ECM2: variants seen among roughly 807,000 people sequenced by gnomAD.
ECM2 encodes the protein extracellular matrix protein 2.
Under a neutral mutation model 67.5 loss-of-function variants are expected in ECM2, and 57 were observed. That is an observed-to-expected ratio of 0.84 (90% CI 0.68 to 1.05). The LOEUF is 1.05. Among genes scored for constraint, ECM2 ranks in the 50% least tolerant of loss-of-function variants. The probability of loss-of-function intolerance (pLI) is 0.00; values close to 1 mark genes in which losing one functional copy is unlikely to be tolerated. For synonymous variants in ECM2, 258 were observed against 294.5 expected (o/e 0.88, Z 1.27); for missense variants, 741 against 822.8 (o/e 0.90, Z 1.22).
At chr9:92,509,781 A>T in intron 6 of ECM2, 118 bp downstream of exon 6, 1 of 1,117,128 alleles carries the variant, frequency 9.0e-7, no homozygotes, top group Non-Finnish European at 1.2e-6. Flanking sequence ...TCAAATGGTT[A>T]AGTGACCTAA....
upstream of ECM2, among the ~76,000 whole-genome samples, chr9:92,541,152 G>A (rs972483253): frequency 7.9e-5 from 12 of 152,080 alleles, no homozygotes; most frequent in Non-Finnish European, 1.3e-4. Flanking sequence ...CCAGCTACTC[G>A]GAAGGCTGAG....
chr9:92,555,808 C>A, the ECM2 span, among the ~76,000 whole-genome samples: 1 of 152,118 alleles, frequency 6.6e-6, no homozygotes, highest in African/African-American at 2.4e-5. Context: ...TGCTAATGGT[C>A]TATCAATTTT....
At chr9:92,513,553 G>A (rs1042983227) in intron 4 of ECM2, among the ~76,000 whole-genome samples, 2 of 152,178 alleles carry the variant, frequency 1.3e-5, no homozygotes, top group Non-Finnish European at 2.9e-5. Flanking sequence ...CTCAGATGAC[G>A]TTTAACTGAT....
the ECM2 span, among the ~76,000 whole-genome samples, chr9:92,555,269 C>CCAAG: frequency 2.7e-5 from 3 of 109,098 alleles, 1 homozygote; most frequent in South Asian, 9.6e-4. Flanking sequence ...CTCTTGTTGT[C>CCAAG]CAAGCTGGAG....
chr9:92,551,478 C>T, the ECM2 span, among the ~76,000 whole-genome samples: 4 of 152,194 alleles, frequency 2.6e-5, no homozygotes, highest in African/African-American at 4.8e-5. Flanking sequence ...TCTGGGACTA[C>T]GGGCACATAC....
At chr9:92,534,426 G>A (rs371968827) in intron 1 of ECM2, among the ~76,000 whole-genome samples, 5 of 152,178 alleles carry the variant, frequency 3.3e-5, no homozygotes, top group Middle Eastern at 6.8e-3. Context: ...TTCAACAAAC[G>A]GCAGTCTCTA....
rs1461645858 is a variant in ECM2 at position 92,496,245 on chromosome 9, T to C, written c.*70A>G. 5 of 1,506,734 alleles carry C rather than the reference T, an allele frequency of 3.3e-6. No homozygotes were observed. Among genetic ancestry groups the C allele is most frequent in the Non-Finnish European group, 4.4e-6 (5 of 1,138,622 alleles). The allele number at this position is 1,506,734 out of a possible 1,614,324, so 93.3% of individuals were successfully genotyped here. On this transcript the variant is annotated 3_prime_UTR_variant, in exon 10 of 10. Transcript: ENST00000344604. ...GTATAACAGGAGGATTATGTCTCTC[T>C]TATTAATGACAAATGCAGCTACTAC...
intron 1 of ECM2, 65 bp from the exon 2 acceptor site, chr9:92,522,958 A>G: frequency 6.9e-7 from 1 of 1,446,808 alleles, no homozygotes; most frequent in East Asian, 2.4e-5. Flanking sequence ...ATTGGCTTAT[A>G]TATTTGCTTG....
intron 7 of ECM2, among the ~76,000 whole-genome samples, chr9:92,503,824 T>C (rs1293386317): frequency 6.6e-6 from 1 of 152,210 alleles, no homozygotes; most frequent in Admixed American, 6.5e-5. Context: ...AAGAGACTAG[T>C]CAAATAAATC....
rs553419931 is a variant in ECM2 at position 92,512,801 on chromosome 9, AC to A, written c.1055-676del. Reference sequence around the variant, plus strand: ...AGCCACGTGGTGACCTTCTTATAAAACCATAACAGTGTAGCTCAGCATGGGT... The same window carrying A: ...AGCCACGTGGTGACCTTCTTATAAAACATAACAGTGTAGCTCAGCATGGGT... On this transcript the variant is annotated intron_variant, in intron 4 of 9. Transcript: ENST00000344604. Among the ~76,000 whole-genome samples the A allele has an allele frequency of 2.0e-3, 307 of 152,288 alleles. 2 individuals are homozygous for A. The highest frequency in any genetic ancestry group is 7.0e-3 in the African/African-American group (290 of 41,562).
At chr9:92,545,556 G>A in the ECM2 span, among the ~76,000 whole-genome samples, 255 of 152,200 alleles carry the variant, frequency 1.7e-3, no homozygotes, top group Non-Finnish European at 1.9e-3. Context: ...TTCAAGGCCC[G>A]AGCCTCCCCG....
upstream of ECM2, among the ~76,000 whole-genome samples, chr9:92,540,053 G>A (rs1015116988): frequency 6.6e-6 from 1 of 152,176 alleles, no homozygotes; most frequent in Non-Finnish European, 1.5e-5. Flanking sequence ...ATACATATAA[G>A]TGGCATAAAT....
At chr9:92,494,438 T>C (rs1846260602), downstream of ECM2, among the ~76,000 whole-genome samples, 1 of 152,200 alleles carries the variant, frequency 6.6e-6, no homozygotes, top group African/African-American at 2.4e-5. Flanking sequence ...TGCACCTTCA[T>C]TCCTAAACTG....
chr9:92,541,038 GATC>G (rs1849306409), upstream of ECM2, among the ~76,000 whole-genome samples: 2 of 152,012 alleles, frequency 1.3e-5, no homozygotes, highest in Non-Finnish European at 2.9e-5. Context: ...GAGGTGGGCA[GATC>G]ACAAGGTCAG....
At chr9:92,538,912 T>C (rs1849251456), upstream of ECM2, 1 of 152,220 alleles carries the variant, frequency 6.6e-6, no homozygotes, top group Non-Finnish European at 1.5e-5. Context: ...TTCAGTATTT[T>C]TCCTGATTGT....
intron 2 of ECM2, among the ~76,000 whole-genome samples, chr9:92,518,739 A>G (rs1847881434): frequency 6.6e-6 from 1 of 152,116 alleles, no homozygotes; most frequent in Non-Finnish European, 1.5e-5. Flanking sequence ...AAATACAAAA[A>G]TTAGCCGAGT....
the ECM2 span, among the ~76,000 whole-genome samples, chr9:92,552,733 G>A: frequency 6.6e-6 from 1 of 152,002 alleles, no homozygotes; most frequent in African/African-American, 2.4e-5. Context: ...TGTAGATTCT[G>A]GTTATTAGTG....
chr9:92,545,058 A>C, the ECM2 span, among the ~76,000 whole-genome samples: 1 of 152,188 alleles, frequency 6.6e-6, no homozygotes, highest in Non-Finnish European at 1.5e-5. Context: ...GACAGTAAGA[A>C]AATCTTAAGA....
At chr9:92,526,667 CAAA>C (rs1848431918) in intron 1 of ECM2, among the ~76,000 whole-genome samples, 1 of 146,696 alleles carries the variant, frequency 6.8e-6, no homozygotes, top group Admixed American at 6.7e-5. Context: ...AGCCTTTAGA[CAAA>C]GAAAAAAAAG....
Sources: gnomAD v4.1 joint callset for allele counts (sites outside exome capture counted in the v4.1 genomes callset) on GRCh38, gnomAD v4.1.1 for gene constraint, MANE v1.5 for transcripts, NCBI Gene and HGNC (gene_info 2026-07-23, HGNC 2026-07-21) for gene names.